RASGEF1A: variants seen among roughly 807,000 people sequenced by gnomAD.
RASGEF1A encodes the protein ras-GEF domain-containing family member 1A.
In RASGEF1A, 18 loss-of-function variants were observed where a neutral mutation model predicts 56.4. The ratio of observed to expected loss-of-function variants is 0.32; its 90% CI spans 0.22 to 0.47. The LOEUF (loss-of-function observed/expected upper bound fraction) is 0.47, where lower values mean the gene tolerates loss of function less well. Among genes scored for constraint, RASGEF1A ranks in the 20% least tolerant of loss-of-function variants. The pLI, the probability that RASGEF1A is intolerant of heterozygous loss-of-function variation, is 1.00. For synonymous variants in RASGEF1A, 245 were observed against 242.6 expected (o/e 1.01, Z -0.09); for missense variants, 422 against 627.1 (o/e 0.67, Z 3.49).
chr10:43,237,689 G>A (rs1840448725), intron 1 of RASGEF1A, among the ~76,000 whole-genome samples: 2 of 152,258 alleles, frequency 1.3e-5, no homozygotes, highest in South Asian at 4.1e-4. Flanking sequence ...ACCAAGCCCA[G>A]GCCTGAACGC....
In RASGEF1A at chr10:43,200,724, G is replaced by T; in HGVS notation, c.624C>A (p.Ile208=). 1 of 1,613,724 alleles carries T rather than the reference G, an allele frequency of 6.2e-7. No homozygotes were observed. Among genetic ancestry groups the T allele is most frequent in the Non-Finnish European group, 8.5e-7 (1 of 1,180,020 alleles). Residue 208 remains isoleucine (I), a synonymous_variant, in exon 5 of 13, where the codon ATC becomes ATA. Coordinates refer to ENST00000395810, the MANE Select transcript of RASGEF1A (RefSeq NM_145313.4). ...CCAGGGGGTCGCAGCACACGCCCAGGATGTCCTTCTGGGCGGCTGGTGGCT... is the reference window on the plus strand; with the variant it reads ...CCAGGGGGTCGCAGCACACGCCCAGTATGTCCTTCTGGGCGGCTGGTGGCT... ...KTKPPAAQKD[I]LGVCCDPLVL...
Position 43,250,306 on chromosome 10 carries a change from T to C in RASGEF1A, c.-7+16539A>G, listed in dbSNP as rs1032253225. Among the ~76,000 whole-genome samples, 5 of 152,270 alleles carry C rather than the reference T, an allele frequency of 3.3e-5. No homozygotes were observed. The South Asian group carries it at 8.3e-4, about 25-fold the overall frequency. On this transcript the variant is annotated intron_variant, in intron 1 of 12. Transcript: ENST00000395810. ...GGGGGAATGGGGAGAGCACCTGTCATGGACACACCTGAGCAGCTATGACGG... is the reference window on the plus strand; with the variant it reads ...GGGGGAATGGGGAGAGCACCTGTCACGGACACACCTGAGCAGCTATGACGG...
At chr10:43,231,063 G>A (rs186983294) in intron 1 of RASGEF1A, among the ~76,000 whole-genome samples, 12 of 152,374 alleles carry the variant, frequency 7.9e-5, no homozygotes, top group East Asian at 3.9e-4. Flanking sequence ...GGTATGCAGC[G>A]CCTGTGGGTG....
intron 3 of RASGEF1A, among the ~76,000 whole-genome samples, chr10:43,202,497 C>T (rs1271967294): frequency 6.6e-6 from 1 of 152,112 alleles, no homozygotes; most frequent in African/African-American, 2.4e-5. Context: ...GCCTCTGCCC[C>T]CGGGGAGAGG....
chr10:43,257,111 G>T (rs867082571), intron 1 of RASGEF1A, among the ~76,000 whole-genome samples: 1 of 152,178 alleles, frequency 6.6e-6, no homozygotes, highest in South Asian at 2.1e-4. Flanking sequence ...CTCTCCAATG[G>T]TTCTGCCTGA....
At chr10:43,208,710 C>T (rs905678789) in intron 1 of RASGEF1A, 2 of 985,432 alleles carry the variant, frequency 2.0e-6, no homozygotes, top group African/African-American at 3.5e-5. Flanking sequence ...ATCCAACAAA[C>T]CAAGACCCTG....
chr10:43,257,479 G>A (rs749913599), intron 1 of RASGEF1A, among the ~76,000 whole-genome samples: 33 of 152,294 alleles, frequency 2.2e-4, no homozygotes, highest in African/African-American at 7.0e-4. Flanking sequence ...TGCCTCTGCC[G>A]CCTGGGGGCC....
chr10:43,200,519 C>T (rs1288324140), intron 5 of RASGEF1A, 148 bp downstream of exon 5: 13 of 744,468 alleles, frequency 1.7e-5, no homozygotes, highest in Non-Finnish European at 2.6e-5. Context: ...GACGGACACA[C>T]ATCTGGCATG....
intron 1 of RASGEF1A, among the ~76,000 whole-genome samples, chr10:43,214,874 G>C (rs192444877): frequency 6.6e-6 from 1 of 152,190 alleles, no homozygotes; most frequent in East Asian, 1.9e-4. Flanking sequence ...CCCTCACCCA[G>C]GGAGACAGCC....
At chr10:43,258,877 A>C (rs1437190374) in intron 1 of RASGEF1A, among the ~76,000 whole-genome samples, 2 of 152,200 alleles carry the variant, frequency 1.3e-5, no homozygotes, top group African/African-American at 4.8e-5. Flanking sequence ...CAGGCCCGGG[A>C]AGGACAGCTG....
At chr10:43,211,727 G>C (rs767861039) in intron 1 of RASGEF1A, among the ~76,000 whole-genome samples, 1 of 152,056 alleles carries the variant, frequency 6.6e-6, no homozygotes. Flanking sequence ...TCATGCCCTT[G>C]TCCACACCCC....
chr10:43,256,031 C>A (rs1006506005), intron 1 of RASGEF1A, among the ~76,000 whole-genome samples: 1 of 152,184 alleles, frequency 6.6e-6, no homozygotes. Flanking sequence ...TCTCCTGCCC[C>A]CTAGAGCTAC....
chr10:43,239,951 CA>C (rs1244147291), intron 1 of RASGEF1A, among the ~76,000 whole-genome samples: 3 of 152,158 alleles, frequency 2.0e-5, no homozygotes, highest in African/African-American at 7.2e-5. Context: ...ATGACATGAT[CA>C]TAGGGGTTTT....
intron 2 of RASGEF1A, chr10:43,203,670 T>C: frequency 8.4e-7 from 1 of 1,196,060 alleles, no homozygotes; most frequent in Non-Finnish European, 1.1e-6. Context: ...CCTAGCAGTC[T>C]TCCTCCGCTG....
At chr10:43,253,035 G>T (rs562176945) in intron 1 of RASGEF1A, among the ~76,000 whole-genome samples, 1 of 152,208 alleles carries the variant, frequency 6.6e-6, no homozygotes, top group Non-Finnish European at 1.5e-5. Flanking sequence ...AACCCCCATG[G>T]TCTCCTCTGT....
At chr10:43,216,048 GC>G (rs2133198388) in intron 1 of RASGEF1A, among the ~76,000 whole-genome samples, 2 of 152,310 alleles carry the variant, frequency 1.3e-5, no homozygotes, top group African/African-American at 4.8e-5. Flanking sequence ...CCTCCTGGCT[GC>G]CTCACTTACT....
intron 1 of RASGEF1A, among the ~76,000 whole-genome samples, chr10:43,241,589 T>C (rs1351770485): frequency 6.6e-6 from 1 of 151,968 alleles, no homozygotes; most frequent in Non-Finnish European, 1.5e-5. Flanking sequence ...GAAATTAAAA[T>C]GGTACACTAG....
chr10:43,201,959 G>C lies in RASGEF1A; in HGVS notation c.322-14C>G, dbSNP rs752732755. ...CTTCAGCTTGGCCTGGGGCAGCAGG[G>C]GATACAGAGTAAGGCCCCACAGGGC... On this transcript the variant is annotated splice_polypyrimidine_tract_variant and intron_variant, in intron 3 of 12. Coordinates refer to ENST00000395810, the MANE Select transcript of RASGEF1A (RefSeq NM_145313.4). 6.3e-7 allele frequency: 1 copy of C among 1,598,594 alleles called. No individual in the cohort carries two copies. The highest frequency in any genetic ancestry group is 8.5e-7 in the Non-Finnish European group (1 of 1,170,476).
In RASGEF1A at chr10:43,242,045, G is replaced by C. The variant is rs559710102; in HGVS notation, c.-7+24800C>G. Among the ~76,000 whole-genome samples the C allele has an allele frequency of 6.6e-5, 10 of 152,344 alleles. No homozygotes were observed. In the South Asian group the frequency reaches 1.4e-3, roughly 22 times the overall value. On this transcript the variant is annotated intron_variant, in intron 1 of 12. Coordinates refer to ENST00000395810, the MANE Select transcript of RASGEF1A (RefSeq NM_145313.4). ...CCCAGCTACTCAGGAGGCTGAGGCAGGAGAATGGCGTGAACCCAGGAGGTG... is the reference window on the plus strand; with the variant it reads ...CCCAGCTACTCAGGAGGCTGAGGCACGAGAATGGCGTGAACCCAGGAGGTG...
Sources: gnomAD v4.1 joint callset for allele counts (sites outside exome capture counted in the v4.1 genomes callset) on GRCh38, gnomAD v4.1.1 for gene constraint, MANE v1.5 for transcripts, NCBI Gene and HGNC (gene_info 2026-07-23, HGNC 2026-07-21) for gene names.